Variants in ADAM11 observed in about 807,000 individuals in gnomAD.
The protein encoded by ADAM11 is disintegrin and metalloproteinase domain-containing protein 11.
ADAM11 carries 49 observed loss-of-function variants against 119.1 expected under a neutral mutation model. That is an observed-to-expected ratio of 0.41 (90% confidence interval 0.33 to 0.52). The LOEUF is 0.52. ADAM11 is among the 20% of genes least tolerant of loss of function. The pLI is 0.20. For missense variants in ADAM11, 777 were observed against 1,047.5 expected (o/e 0.74, Z 3.56); for synonymous variants, 364 against 408.0 (o/e 0.89, Z 1.30).
intron 25 of ADAM11, among the ~76,000 whole-genome samples, chr17:44,778,713 A>AAAAAAAAACAAAAG (rs71136047): frequency 1.2e-5 from 1 of 80,426 alleles, no homozygotes; most frequent in African/African-American, 5.5e-5. Flanking sequence ...AAAAAAAAAA[A>AAAAAAAAACAAAAG]GAAAGAAAGA....
In ADAM11 at chr17:44,779,724, C is replaced by T; in HGVS notation, c.2295-15C>T. ...CCTGCTCACGTCCTCCCCTGATGCC[C>T]CCTCTCCGTTCCAGGTCCGGAGGGG... On this transcript the variant is annotated splice_polypyrimidine_tract_variant and intron_variant, in intron 26 of 26. Transcript: ENST00000200557. 1 of 1,594,420 alleles carries T rather than the reference C, an allele frequency of 6.3e-7. No individual in the cohort carries two copies. Among genetic ancestry groups the T allele is most frequent in the Non-Finnish European group, 8.5e-7 (1 of 1,174,652 alleles).
At position 44,775,396 on chromosome 17, in the gene ADAM11, C is replaced by T. The variant is rs765158980; in HGVS notation, c.1323C>T (p.Leu441=). ...GSCLFNKPLK[L]LDPPECGNGF... The stretch of plus-strand genomic sequence containing the variant: ...CCCGACCTGTCCTCCCGGTCCAGCT[C>T]CTGGACCCCCCAGAGTGCGGGAACG... The change falls in exon 16 of 27, where the codon CTC becomes CTT. Residue 441 remains leucine, a splice_region_variant and synonymous_variant. Coordinates refer to ENST00000200557, the MANE Select transcript of ADAM11 (RefSeq NM_002390.6). This position sits in a 1 kb window ranked among gnomAD's most constrained non-coding sequence, Gnocchi z 7.5. The T allele has an allele frequency of 1.9e-6, 3 of 1,612,360 alleles. No individual in the cohort carries two copies. Among genetic ancestry groups the T allele is most frequent in the Non-Finnish European group, 1.7e-6 (2 of 1,179,762 alleles).
In ADAM11 at chr17:44,759,067, C is replaced by T. The variant is rs1480971673; in HGVS notation, c.-133C>T. On this transcript the variant is annotated 5_prime_UTR_variant, in exon 1 of 27. Transcript: ENST00000200557. ...GGCGCCGTCCCTGCCGCCCCCACCT[C>T]TCCGCGACCCCCGCCCGGCCCCGCG... 1 of 258,686 alleles carries T rather than the reference C, an allele frequency of 3.9e-6. No homozygotes were observed. The highest frequency in any genetic ancestry group is 6.6e-6 in the Non-Finnish European group (1 of 151,048). 16.0% of individuals were successfully genotyped at this position (258,686 alleles called of 1,614,324 possible).
At chr17:44,774,605 G>C in intron 13 of ADAM11, 23 bp downstream of exon 13, 13 of 1,608,970 alleles carry the variant, frequency 8.1e-6, no homozygotes, top group Non-Finnish European at 1.0e-5. Flanking sequence ...AGAGGCCCCC[G>C]TGTGGCCCAC....
chr17:44,771,900 T>G, intron 6 of ADAM11, 69 bp downstream of exon 6: 1 of 1,525,482 alleles, frequency 6.6e-7, no homozygotes, highest in Non-Finnish European at 9.0e-7. Context: ...CAGCTGTTGC[T>G]GCCACCTCTT....
intron 2 of ADAM11, 42 bp downstream of exon 2, chr17:44,759,939 C>G: frequency 8.0e-7 from 1 of 1,254,926 alleles, no homozygotes. Context: ...TGAAGCAGGC[C>G]TCAGAGCCCC....
At position 44,777,815 on chromosome 17, in the gene ADAM11, C is replaced by G. The variant is rs1434958901; in HGVS notation, c.2022C>G (p.Phe674Leu). Residue 674 changes from phenylalanine (F) to leucine (L), a missense_variant, in exon 23 of 27, where the codon TTC becomes TTG. By Grantham distance (22) the Phe-to-Leu change is conservative. Coordinates refer to ENST00000200557, the MANE Select transcript of ADAM11 (RefSeq NM_002390.6). The surrounding 1 kb of genome is among the most constrained non-coding windows in gnomAD (Gnocchi z 5.1). ...GCCTGCCAGCTTCTGCCTTCAACTT[C>G]AGCACCTGCCCCGGCAGTGGGGAGC... ...HRCLPASAFN[F>L]STCPGSGERR... 6.2e-7 allele frequency: 1 copy of G among 1,613,880 alleles called. No homozygotes were observed. Among genetic ancestry groups the G allele is most frequent in the Admixed American group, 1.7e-5 (1 of 60,032 alleles).
At chr17:44,760,499 G>A (rs567547152) in intron 2 of ADAM11, among the ~76,000 whole-genome samples, 10 of 152,336 alleles carry the variant, frequency 6.6e-5, no homozygotes, top group Admixed American at 4.6e-4. Context: ...GCCTCCCAGA[G>A]GAAGGTTAGG....
At chr17:44,764,685 T>C (rs1257547050) in intron 2 of ADAM11, among the ~76,000 whole-genome samples, 3 of 152,212 alleles carry the variant, frequency 2.0e-5, no homozygotes, top group African/African-American at 7.2e-5. Context: ...CTGTGTGACC[T>C]GAGCCAGTCA....
intron 2 of ADAM11, among the ~76,000 whole-genome samples, chr17:44,762,305 A>C (rs1015443811): frequency 6.6e-6 from 1 of 152,016 alleles, no homozygotes; most frequent in African/African-American, 2.4e-5. Context: ...CAGTCTCCCA[A>C]CTCTGCCCAG....
In ADAM11 at chr17:44,759,181, C is replaced by A; in HGVS notation, c.-19C>A. The A allele has an allele frequency of 3.0e-6, 4 of 1,339,484 alleles. No individual in the cohort carries two copies. The South Asian group carries it at 5.6e-5, about 19-fold the overall frequency. 83.0% of individuals were successfully genotyped at this position (1,339,484 alleles called of 1,614,324 possible). A position where few individuals can be genotyped will look rare whatever the true frequency, so the allele number is the denominator to read the frequency against. ...CCGCTGGCAGCCGCAGCCCCCGGAC[C>A]GGGAGGAATGAGCGAGCCATGAGGC... On this transcript the variant is annotated 5_prime_UTR_variant, in exon 1 of 27. Coordinates refer to ENST00000200557, the MANE Select transcript of ADAM11 (RefSeq NM_002390.6).
Position 44,776,648 on chromosome 17 carries a change from C to T in ADAM11, c.1567-97C>T, listed in dbSNP as rs2049605028. 39 of 1,459,370 alleles carry T rather than the reference C, an allele frequency of 2.7e-5. No homozygotes were observed. The highest frequency in any genetic ancestry group is 3.5e-5 in the Non-Finnish European group (37 of 1,065,572). The allele number at this position is 1,459,370 out of a possible 1,614,324, so 90.4% of individuals were successfully genotyped here. A position where few individuals can be genotyped will look rare whatever the true frequency, so the allele number is the denominator to read the frequency against. ...GGAAGAGCCCTGTGGCATGAGCCCC[C>T]AATGGGGGGCACTTGGTACCCCAGC... On this transcript the variant is annotated intron_variant, in intron 18 of 26. Transcript: ENST00000200557. The surrounding 1 kb of genome is among the most constrained non-coding windows in gnomAD (Gnocchi z 5.2).
rs373351333 is a variant in ADAM11, at chr17:44,774,679, C to A, written c.1169-19C>A. The A allele has an allele frequency of 6.3e-7, 1 of 1,591,264 alleles. No individual in the cohort carries two copies. On this transcript the variant is annotated intron_variant, in intron 13 of 26. Transcript: ENST00000200557. Reference sequence around the variant, plus strand: ...GGTGGTCCTTGGCCTCCCTCATATCCGCCTGGCTCACCCCTCAGGGGACTG... The same window carrying A: ...GGTGGTCCTTGGCCTCCCTCATATCAGCCTGGCTCACCCCTCAGGGGACTG...
At position 44,775,317 on chromosome 17, in the gene ADAM11, A is replaced by C. The variant is rs2049583689; in HGVS notation, c.1320+6A>C. On this transcript the variant is annotated splice_donor_region_variant and intron_variant, in intron 15 of 26. Transcript: ENST00000200557. This position sits in a 1 kb window ranked among gnomAD's most constrained non-coding sequence, Gnocchi z 7.5. The stretch of plus-strand genomic sequence containing the variant: ...TCTTCAACAAGCCCCTCAAGGTACC[A>C]GCCCCGCGGCGGGGAGCATGGGAGC... The C allele has an allele frequency of 6.2e-7, 1 of 1,613,696 alleles. No individual in the cohort carries two copies.
chr17:44,776,886 C>A lies in ADAM11; in HGVS notation c.1618-13C>A, dbSNP rs771326042. On this transcript the variant is annotated splice_polypyrimidine_tract_variant and intron_variant, in intron 19 of 26. Transcript: ENST00000200557. The surrounding 1 kb of genome is among the most constrained non-coding windows in gnomAD (Gnocchi z 5.2). ...CATCTCCATCCCTTGCCTCTTAATT[C>A]TTGGACTCTCAGGGCCGCTGCTACG... 4.8e-5 allele frequency: 77 copies of A among 1,613,480 alleles called. No homozygotes were observed. The highest frequency in any genetic ancestry group is 6.2e-5 in the Non-Finnish European group (73 of 1,179,558).
In ADAM11 at chr17:44,772,772, A is replaced by C; in HGVS notation, c.679-85A>C. On this transcript the variant is annotated intron_variant, in intron 8 of 26. Coordinates refer to ENST00000200557, the MANE Select transcript of ADAM11 (RefSeq NM_002390.6). This position sits in a 1 kb window ranked among gnomAD's most constrained non-coding sequence, Gnocchi z 4.5. ...CCCTGGCTGGAGTCCAGACCCCCCC[A>C]TCCCCACCGAGTCTGTTCCTGGCTT... 1.6e-6 allele frequency: 2 copies of C among 1,223,696 alleles called. No homozygotes were observed. The highest frequency in any genetic ancestry group is 1.8e-5 in the Admixed American group (1 of 54,852). 75.8% of individuals were successfully genotyped at this position (1,223,696 alleles called of 1,614,324 possible). A position where few individuals can be genotyped will look rare whatever the true frequency, so the allele number is the denominator to read the frequency against.
intron 2 of ADAM11, among the ~76,000 whole-genome samples, chr17:44,765,865 C>T (rs919224914): frequency 7.2e-5 from 11 of 152,168 alleles, no homozygotes; most frequent in African/African-American, 2.4e-4. Context: ...TCAGGCAATC[C>T]GCCCACCTTG....
Position 44,769,723 on chromosome 17 carries a change from C to A in ADAM11, c.243C>A (p.Val81=). 2 of 1,609,148 alleles carry A rather than the reference C, an allele frequency of 1.2e-6. No homozygotes were observed. The highest frequency in any genetic ancestry group is 1.7e-6 in the Non-Finnish European group (2 of 1,175,574). ...TCTGCCCTCCCCCCACCCAGCCTGT[C>A]CATCTGGCCCAGGTGAGTTTCGTCA... The part of the protein sequence containing the change: ...VRQEPPGGPP[V]HLAQVSFVIP... The change falls in exon 3 of 27, where the codon GTC becomes GTA. Residue 81 remains valine (V), a synonymous_variant. Transcript: ENST00000200557.
At position 44,773,498 on chromosome 17, in the gene ADAM11, TGC is replaced by T. The variant is rs1379992773; in HGVS notation, c.992+72_992+73del. 2 of 1,536,638 alleles carry T rather than the reference TGC, an allele frequency of 1.3e-6. No individual in the cohort carries two copies. The highest frequency in any genetic ancestry group is 1.4e-5 in the African/African-American group (1 of 73,664). ...ACAGTGCTTGGGATTACTTAACACC[TGC>T]CCTGTGCTGGCTGCTCCTCTCAGAG... On this transcript the variant is annotated intron_variant, in intron 11 of 26. Coordinates refer to ENST00000200557, the MANE Select transcript of ADAM11 (RefSeq NM_002390.6). The surrounding 1 kb of genome is among the most constrained non-coding windows in gnomAD (Gnocchi z 4.6).
Sources: gnomAD v4.1 joint callset for allele counts (sites outside exome capture counted in the v4.1 genomes callset) on GRCh38, gnomAD v4.1.1 for gene constraint, Gnocchi (gnomAD v3.1) non-coding constraint, MANE v1.5 for transcripts, NCBI Gene and HGNC (gene_info 2026-07-23, HGNC 2026-07-21) for gene names.